The following GRIP1 variants were observed in gnomAD, a reference collection of about 807,000 sequenced individuals.
The protein encoded by GRIP1 is glutamate receptor interacting protein 1, also known as glutamate receptor-interacting protein 1.
GRIP1 carries 45 observed loss-of-function variants against 129.9 expected under a neutral mutation model. The ratio of observed to expected loss-of-function variants is 0.35; its 90% CI spans 0.27 to 0.44. The LOEUF is 0.44. Among genes scored for constraint, GRIP1 ranks in the 20% least tolerant of loss-of-function variants. The pLI is 1.00. For synonymous variants in GRIP1, 530 were observed against 520.8 expected (o/e 1.02, Z -0.24); for missense variants, 1,196 against 1,396.8 (o/e 0.86, Z 2.29).
At chr12:66,452,248 A>T (rs57923140) in intron 11 of GRIP1, among the ~76,000 whole-genome samples, 35,028 of 152,116 alleles carry the variant, frequency 0.23, 4,519 homozygotes, top group Middle Eastern at 0.42. Context: ...TTTGGCAGAA[A>T]AAGAGGCAGC....
At chr12:66,942,845 C>G (rs958552772) in intron 1 of GRIP1, among the ~76,000 whole-genome samples, 1 of 152,116 alleles carries the variant, frequency 6.6e-6, no homozygotes, top group African/African-American at 2.4e-5. Flanking sequence ...ACGACTGTGC[C>G]TTTATAAGAA....
At chr12:66,510,280 C>G (rs927968130) in intron 7 of GRIP1, among the ~76,000 whole-genome samples, 2 of 152,068 alleles carry the variant, frequency 1.3e-5, no homozygotes, top group African/African-American at 4.8e-5. Flanking sequence ...GCATTGGCCT[C>G]CTCAATTTAT....
chr12:66,532,208 T>C (rs1268883779), intron 4 of GRIP1, among the ~76,000 whole-genome samples: 2 of 152,228 alleles, frequency 1.3e-5, no homozygotes, highest in African/African-American at 4.8e-5. Flanking sequence ...TTCTTGTTTT[T>C]ATTTGCATGG....
At chr12:66,688,292 T>G (rs893967799) in intron 1 of GRIP1, among the ~76,000 whole-genome samples, 18 of 152,200 alleles carry the variant, frequency 1.2e-4, no homozygotes, top group African/African-American at 4.1e-4. Context: ...TCCTTACAGT[T>G]CTACCATTCT....
chr12:66,617,862 G>C (rs1347944712), intron 1 of GRIP1, among the ~76,000 whole-genome samples: 1 of 151,438 alleles, frequency 6.6e-6, no homozygotes, highest in African/African-American at 2.4e-5. Flanking sequence ...CTTGCAAGTT[G>C]ATCAACATAC....
chr12:66,629,639 A>G (rs2030521013), intron 1 of GRIP1, among the ~76,000 whole-genome samples: 2 of 152,232 alleles, frequency 1.3e-5, no homozygotes, highest in Admixed American at 1.3e-4. Context: ...GTGGTTAATT[A>G]TTAAACCAAA....
At chr12:66,611,603 T>C (rs565283308) in intron 1 of GRIP1, among the ~76,000 whole-genome samples, 3 of 152,184 alleles carry the variant, frequency 2.0e-5, no homozygotes, top group Non-Finnish European at 2.9e-5. Flanking sequence ...AGCTGTTCTA[T>C]GACTAGTGTC....
At chr12:66,670,673 G>A (rs190827227) in intron 1 of GRIP1, among the ~76,000 whole-genome samples, 2 of 152,258 alleles carry the variant, frequency 1.3e-5, no homozygotes, top group Admixed American at 6.5e-5. Flanking sequence ...GAAAGACCTG[G>A]CTCTAATGGG....
At chr12:66,754,576 A>T (rs1403239123) in intron 1 of GRIP1, among the ~76,000 whole-genome samples, 1 of 152,208 alleles carries the variant, frequency 6.6e-6, no homozygotes, top group Non-Finnish European at 1.5e-5. Flanking sequence ...GAGAGCCGTC[A>T]CTACACTGTC....
At chr12:66,468,546 C>T (rs752264340) in intron 7 of GRIP1, among the ~76,000 whole-genome samples, 19 of 152,250 alleles carry the variant, frequency 1.2e-4, no homozygotes, top group Non-Finnish European at 2.5e-4. Context: ...TATAAAACTA[C>T]AACCAACCAT....
intron 5 of GRIP1, among the ~76,000 whole-genome samples, chr12:66,521,220 T>C (rs1025721056): frequency 3.9e-5 from 6 of 152,184 alleles, no homozygotes; most frequent in Admixed American, 2.6e-4. Context: ...TATGACTCCA[T>C]AGTACTTCTT....
At chr12:66,589,836 T>C (rs1469337148) in intron 2 of GRIP1, among the ~76,000 whole-genome samples, 1 of 152,108 alleles carries the variant, frequency 6.6e-6, no homozygotes, top group African/African-American at 2.4e-5. Flanking sequence ...GAAAAGAGTA[T>C]TAATAGGCCC....
At position 66,445,383 on chromosome 12, in the gene GRIP1, T is replaced by G. The variant is rs1460786274; in HGVS notation, c.1480A>C (p.Thr494Pro). 3 of 1,614,214 alleles carry G rather than the reference T, an allele frequency of 1.9e-6. No individual in the cohort carries two copies. The East Asian group carries it at 6.7e-5, about 36-fold the overall frequency. ...GIQLQGSVFA[T>P]ETLSSPPLIS... ...AGAGGTGGAGAAGAGAGAGTTTCTG[T>G]GGCAAACACACTGCCCTGCAGTTGG... Residue 494 changes from threonine to proline, a missense_variant, in exon 12 of 25, where the codon ACA becomes CCA. Coordinates refer to ENST00000359742, the MANE Select transcript of GRIP1 (RefSeq NM_001366722.1).
intron 1 of GRIP1, among the ~76,000 whole-genome samples, chr12:66,977,072 G>A (rs765145902): frequency 3.9e-5 from 6 of 152,092 alleles, no homozygotes; most frequent in Non-Finnish European, 8.8e-5. Context: ...AACAGAAGCA[G>A]GTTGCTAATT....
chr12:66,985,953 T>C (rs376975609), intron 1 of GRIP1, among the ~76,000 whole-genome samples: 2 of 152,330 alleles, frequency 1.3e-5, no homozygotes, highest in East Asian at 3.8e-4. Flanking sequence ...TTCAGGGTCA[T>C]CTTTTTTAAA....
At chr12:66,768,715 T>G (rs1697052799) in intron 1 of GRIP1, among the ~76,000 whole-genome samples, 1 of 152,194 alleles carries the variant, frequency 6.6e-6, no homozygotes, top group Non-Finnish European at 1.5e-5. Flanking sequence ...ACATCTATCC[T>G]TTTGATATGG....
chr12:66,525,051 C>G (rs1271918337), intron 5 of GRIP1, among the ~76,000 whole-genome samples: 1 of 151,922 alleles, frequency 6.6e-6, no homozygotes, highest in African/African-American at 2.4e-5. Flanking sequence ...GCTTACCAAC[C>G]AAAAAAAGTC....
chr12:66,817,202 G>GCACACA (rs57507955), intron 1 of GRIP1, among the ~76,000 whole-genome samples: 2,961 of 136,116 alleles, frequency 0.022, 35 homozygotes, highest in Middle Eastern at 0.052. Flanking sequence ...TTTTCAGTAT[G>GCACACA]CACACACACA....
At chr12:66,880,614 G>C (rs1389189680) in intron 1 of GRIP1, among the ~76,000 whole-genome samples, 2 of 152,022 alleles carry the variant, frequency 1.3e-5, no homozygotes, top group African/African-American at 4.8e-5. Flanking sequence ...AAGAAACACA[G>C]ACTACATTGT....
Sources: allele counts gnomAD v4.1 joint callset (sites outside exome capture counted in the v4.1 genomes callset), GRCh38; gene constraint gnomAD v4.1.1; transcripts MANE v1.5; gene names NCBI Gene and HGNC (gene_info 2026-07-23, HGNC 2026-07-21).